CSTPP1: variants seen among roughly 807,000 people sequenced by gnomAD.
CSTPP1 encodes the protein UPF0705 protein C11orf49.
chr11:47,069,534 A>T, the CSTPP1 span, among the ~76,000 whole-genome samples: 1 of 152,166 alleles, frequency 6.6e-6, no homozygotes, highest in African/African-American at 2.4e-5. Flanking sequence ...TCTTCAAGAG[A>T]AAAAATAGTT....
the CSTPP1 span, among the ~76,000 whole-genome samples, chr11:47,143,502 C>T: frequency 2.0e-5 from 3 of 152,218 alleles, no homozygotes; most frequent in Non-Finnish European, 2.9e-5. Flanking sequence ...GGTGTCTCCA[C>T]ATGCGCCTGC....
chr11:47,129,207 GA>G, the CSTPP1 span, among the ~76,000 whole-genome samples: 1 of 152,166 alleles, frequency 6.6e-6, no homozygotes, highest in Non-Finnish European at 1.5e-5. Context: ...TGTTTCCAAA[GA>G]AAAACTGGAA....
chr11:47,145,090 C>T, the CSTPP1 span, among the ~76,000 whole-genome samples: 1 of 142,968 alleles, frequency 7.0e-6, no homozygotes, highest in African/African-American at 2.5e-5. Context: ...CAGGTTCAAG[C>T]GATTCTCTCG....
the CSTPP1 span, among the ~76,000 whole-genome samples, chr11:47,026,167 A>G: frequency 6.6e-6 from 1 of 152,360 alleles, no homozygotes; most frequent in East Asian, 1.9e-4. Context: ...TAGAAACCAC[A>G]TAAAGAATGT....
chr11:47,160,369 GATGGA>G, the CSTPP1 span: 1 of 151,768 alleles, frequency 6.6e-6, no homozygotes, highest in Admixed American at 6.6e-5. Flanking sequence ...TGGGTGGTTG[GATGGA>G]ATGGGAGACA....
chr11:47,132,472 G>A, the CSTPP1 span, among the ~76,000 whole-genome samples: 2 of 152,296 alleles, frequency 1.3e-5, no homozygotes, highest in South Asian at 4.1e-4. Flanking sequence ...TCAGAAAAGT[G>A]TATATGTTAC....
At chr11:47,021,841 C>G in the CSTPP1 span, among the ~76,000 whole-genome samples, 2 of 152,144 alleles carry the variant, frequency 1.3e-5, no homozygotes, top group Non-Finnish European at 2.9e-5. Flanking sequence ...TTAATCCCCT[C>G]TGTCTCTAAA....
chr11:47,006,940 AC>A, the CSTPP1 span, among the ~76,000 whole-genome samples: 2 of 143,198 alleles, frequency 1.4e-5, no homozygotes, highest in African/African-American at 5.2e-5. Flanking sequence ...CAAACATTAG[AC>A]CTTTTCATAG....
chr11:47,081,393 A>G, the CSTPP1 span, among the ~76,000 whole-genome samples: 1 of 152,164 alleles, frequency 6.6e-6, no homozygotes. Flanking sequence ...TAATTCCACT[A>G]TAATTGCTAA....
chr11:47,111,083 G>A, the CSTPP1 span, among the ~76,000 whole-genome samples: 1 of 151,866 alleles, frequency 6.6e-6, no homozygotes, highest in African/African-American at 2.4e-5. Context: ...TAGTAGAGAC[G>A]GGGTTTTACT....
chr11:47,114,622 GCTCT>G, the CSTPP1 span, among the ~76,000 whole-genome samples: 2 of 151,988 alleles, frequency 1.3e-5, no homozygotes, highest in African/African-American at 4.8e-5. Flanking sequence ...TCATGATTTG[GCTCT>G]CTGTTTGTCT....
the CSTPP1 span, among the ~76,000 whole-genome samples, chr11:46,940,122 C>T: frequency 4.6e-5 from 7 of 152,180 alleles, no homozygotes; most frequent in Non-Finnish European, 1.0e-4. Flanking sequence ...ATCTGCCCAC[C>T]TTGGCTTCCC....
chr11:47,118,047 T>G, the CSTPP1 span, among the ~76,000 whole-genome samples: 1 of 151,842 alleles, frequency 6.6e-6, no homozygotes, highest in African/African-American at 2.4e-5. Flanking sequence ...GCCCAGCTAA[T>G]TTTTGTATTT....
the CSTPP1 span, among the ~76,000 whole-genome samples, chr11:47,075,262 C>T: frequency 4.5e-5 from 6 of 134,242 alleles, no homozygotes; most frequent in Non-Finnish European, 6.6e-5. Context: ...GTCCCAGCTA[C>T]TTGGGACTTG....
the CSTPP1 span, among the ~76,000 whole-genome samples, chr11:47,069,691 T>A: frequency 6.6e-6 from 1 of 152,096 alleles, no homozygotes; most frequent in African/African-American, 2.4e-5. Flanking sequence ...TTGTTGTTGT[T>A]GTTGCTGTTT....
chr11:46,960,474 GC>G, the CSTPP1 span, among the ~76,000 whole-genome samples: 1 of 152,098 alleles, frequency 6.6e-6, no homozygotes, highest in African/African-American at 2.4e-5. Context: ...CTATGAATTT[GC>G]TTATTCTAGA....
the CSTPP1 span, chr11:47,157,957 G>T: frequency 1.3e-6 from 2 of 1,568,306 alleles, no homozygotes; most frequent in Non-Finnish European, 1.8e-6. Flanking sequence ...AGCCTCTCCT[G>T]CCGCACAACA....
chr11:46,965,229 TTTTA>T, the CSTPP1 span, among the ~76,000 whole-genome samples: 1 of 130,224 alleles, frequency 7.7e-6, no homozygotes, highest in Non-Finnish European at 1.5e-5. Flanking sequence ...GCTTTTTTTT[TTTTA>T]TTTTTTTTTG....
chr11:47,081,734 A>C, the CSTPP1 span, among the ~76,000 whole-genome samples: 2 of 152,172 alleles, frequency 1.3e-5, no homozygotes, highest in Admixed American at 6.5e-5. Context: ...TAGCCATGTT[A>C]AGAATATGAT....
Sources: allele counts gnomAD v4.1 joint callset (sites outside exome capture counted in the v4.1 genomes callset), GRCh38; gene constraint gnomAD v4.1.1; transcripts MANE v1.5; gene names NCBI Gene and HGNC (gene_info 2026-07-23, HGNC 2026-07-21).